The following PRKCH variants were observed in gnomAD, a reference collection of about 807,000 sequenced individuals.
PRKCH encodes protein kinase C eta.
PRKCH carries 28 observed loss-of-function variants against 82.5 expected under a neutral mutation model. The ratio of observed to expected loss-of-function variants is 0.34; its 90% CI spans 0.25 to 0.47. The LOEUF (loss-of-function observed/expected upper bound fraction) is 0.47, where lower values mean the gene tolerates loss of function less well. Among genes scored for constraint, PRKCH ranks in the 20% least tolerant of loss-of-function variants. The probability of loss-of-function intolerance (pLI) is 1.00; values close to 1 mark genes in which losing one functional copy is unlikely to be tolerated. For missense variants in PRKCH, 705 were observed against 881.8 expected (o/e 0.80, Z 2.54); for synonymous variants, 322 against 327.4 (o/e 0.98, Z 0.18).
rs1306647058 is a variant in PRKCH, at chr14:61,549,832, C to T, written c.*1C>T. 1.2e-6 allele frequency: 2 copies of T among 1,613,272 alleles called. No homozygotes were observed. The highest frequency in any genetic ancestry group is 8.5e-7 in the Non-Finnish European group (1 of 1,179,642). The stretch of plus-strand genomic sequence containing the variant: ...TGTGTCTCCAGAATTGCAACCATAG[C>T]CTTATGGGGAGTGAGAGAGAGGGCA... On this transcript the variant is annotated 3_prime_UTR_variant, in exon 14 of 14. Transcript: ENST00000332981.
At chr14:61,201,380 G>A (rs765122445) in intron 1 of PRKCH, among the ~76,000 whole-genome samples, 1 of 152,066 alleles carries the variant, frequency 6.6e-6, no homozygotes, top group Admixed American at 6.6e-5. Flanking sequence ...ATTCTAAGCC[G>A]CATGATTTAC....
intron 1 of PRKCH, among the ~76,000 whole-genome samples, chr14:61,247,667 C>T (rs912350692): frequency 6.9e-4 from 85 of 123,370 alleles, no homozygotes; most frequent in African/African-American, 2.3e-3. Flanking sequence ...ACCCTGGAGG[C>T]GGAGGTTACA....
chr14:61,408,531 G>T (rs180828603), intron 2 of PRKCH, among the ~76,000 whole-genome samples: 1 of 152,278 alleles, frequency 6.6e-6, no homozygotes, highest in African/African-American at 2.4e-5. Context: ...TGGTTCTGCT[G>T]CCTGTCCTTC....
chr14:61,233,415 A>C (rs1594865239), intron 1 of PRKCH, among the ~76,000 whole-genome samples: 2 of 151,636 alleles, frequency 1.3e-5, no homozygotes, highest in East Asian at 3.9e-4. Context: ...AAAGAAAAAG[A>C]AAAAAAAGCC....
rs147367746 is a variant in PRKCH at position 61,322,389 on chromosome 14, C to A, written c.288C>A (p.His96Gln). 1 of 1,612,768 alleles carries A rather than the reference C, an allele frequency of 6.2e-7. No homozygotes were observed. The highest frequency in any genetic ancestry group is 8.5e-7 in the Non-Finnish European group (1 of 1,179,476). ...ACGAGACGCCCCTGGGCTACGACCA[C>A]TTCGTGGCCAACTGCACCCTGCAGT... The part of the protein sequence containing the change: ...VFHETPLGYD[H>Q]FVANCTLQFQ... The change falls in exon 1 of 14, where the codon CAC (histidine) becomes CAA (glutamine). Residue 96 changes from histidine (H) to glutamine (Q), a missense_variant. His to Gln is a conservative substitution (Grantham distance 24, BLOSUM62 0). Transcript: ENST00000332981.
At chr14:61,456,401 A>G (rs1884769105) in intron 7 of PRKCH, among the ~76,000 whole-genome samples, 1 of 152,248 alleles carries the variant, frequency 6.6e-6, no homozygotes, top group South Asian at 2.1e-4. Flanking sequence ...TTCTAATGGC[A>G]GGGGAATTAA....
At chr14:61,402,430 G>A (rs1881677818) in intron 2 of PRKCH, among the ~76,000 whole-genome samples, 1 of 152,220 alleles carries the variant, frequency 6.6e-6, no homozygotes, top group Non-Finnish European at 1.5e-5. Context: ...TACTCTGTGT[G>A]AGGCTGGACT....
chr14:61,508,399 G>C (rs1887243540), intron 10 of PRKCH, among the ~76,000 whole-genome samples: 1 of 152,154 alleles, frequency 6.6e-6, no homozygotes, highest in South Asian at 2.1e-4. Flanking sequence ...TCTAGGTAGT[G>C]ATAGAGGAAT....
intron 1 of PRKCH, among the ~76,000 whole-genome samples, chr14:61,266,229 C>T (rs1393040871): frequency 6.6e-6 from 1 of 151,772 alleles, no homozygotes; most frequent in East Asian, 1.9e-4. Flanking sequence ...ACTAGCCTGG[C>T]AGGCATGGTG....
At chr14:61,285,166 T>C (rs933111172) in intron 1 of PRKCH, among the ~76,000 whole-genome samples, 2 of 152,112 alleles carry the variant, frequency 1.3e-5, no homozygotes, top group Non-Finnish European at 2.9e-5. Flanking sequence ...ATTCTAAAAG[T>C]AGGAAAGGGA....
At chr14:61,502,086 A>C (rs1324761026) in intron 10 of PRKCH, among the ~76,000 whole-genome samples, 1 of 97,278 alleles carries the variant, frequency 1.0e-5, no homozygotes, top group Admixed American at 1.4e-4. Context: ...TTTTTTTCCG[A>C]GATGGAGTCT....
intron 1 of PRKCH, among the ~76,000 whole-genome samples, chr14:61,356,035 C>G (rs377340914): frequency 1.1e-4 from 17 of 152,280 alleles, no homozygotes; most frequent in Admixed American, 9.8e-4. Flanking sequence ...CATCGCCACC[C>G]CTTTGAAGCA....
chr14:61,487,411 A>G (rs1345835782), intron 10 of PRKCH, among the ~76,000 whole-genome samples: 1 of 152,188 alleles, frequency 6.6e-6, no homozygotes, highest in Non-Finnish European at 1.5e-5. Context: ...ATTAGATCAC[A>G]GCATTTTTTT....
intron 12 of PRKCH, chr14:61,543,354 G>A (rs1381849293): frequency 2.6e-5 from 4 of 152,160 alleles, no homozygotes; most frequent in African/African-American, 7.2e-5. Context: ...CTCTAGTTCA[G>A]TTCCACTGTA....
At chr14:61,218,121 A>T (rs1394236236) in intron 1 of PRKCH, among the ~76,000 whole-genome samples, 1 of 152,186 alleles carries the variant, frequency 6.6e-6, no homozygotes, top group Non-Finnish European at 1.5e-5. Context: ...AAATTCATAG[A>T]AGCATTATCT....
intron 2 of PRKCH, among the ~76,000 whole-genome samples, chr14:61,439,639 C>T (rs1213728498): frequency 2.0e-5 from 3 of 146,938 alleles, no homozygotes; most frequent in Admixed American, 1.3e-4. Context: ...AGCATGTCAC[C>T]GGTGCACTCC....
intron 1 of PRKCH, among the ~76,000 whole-genome samples, chr14:61,265,604 C>A (rs553733777): frequency 1.3e-5 from 2 of 152,336 alleles, no homozygotes; most frequent in South Asian, 4.1e-4. Flanking sequence ...ACCTCCCAAG[C>A]CAGTGCTTCT....
intron 1 of PRKCH, among the ~76,000 whole-genome samples, chr14:61,339,386 C>A (rs1373662564): frequency 6.6e-6 from 1 of 150,890 alleles, no homozygotes; most frequent in Non-Finnish European, 1.5e-5. Context: ...CGCAGTGGCG[C>A]AATCTCAGCT....
intron 1 of PRKCH, among the ~76,000 whole-genome samples, chr14:61,248,820 A>G (rs1297145234): frequency 1.3e-5 from 2 of 151,928 alleles, no homozygotes; most frequent in African/African-American, 2.4e-5. Flanking sequence ...GTATGTATTT[A>G]GAGACAGCAT....
Sources: gnomAD v4.1 joint callset for allele counts (sites outside exome capture counted in the v4.1 genomes callset) on GRCh38, gnomAD v4.1.1 for gene constraint, MANE v1.5 for transcripts, NCBI Gene and HGNC (gene_info 2026-07-23, HGNC 2026-07-21) for gene names.